The following SNTG1 variants were observed in gnomAD, a reference collection of about 807,000 sequenced individuals.
SNTG1 encodes the protein syntrophin gamma 1.
In SNTG1, 39 loss-of-function variants were observed where a neutral mutation model predicts 74.7. The observed-to-expected ratio is 0.52, with a 90% CI of 0.40 to 0.68. The LOEUF is 0.68. Ranked by LOEUF, SNTG1 falls within the 30% of genes least tolerant of loss-of-function variation. The pLI, the probability that SNTG1 is intolerant of heterozygous loss-of-function variation, is 0.00. For missense variants in SNTG1, 685 were observed against 609.5 expected, an observed-to-expected ratio of 1.12 and a Z score of -1.30; for synonymous variants, 254 against 217.1, an observed-to-expected ratio of 1.17 and a Z score of -1.49.
chr8:50,188,758 C>T (rs1211373883), intron 2 of SNTG1, among the ~76,000 whole-genome samples: 1 of 152,080 alleles, frequency 6.6e-6, no homozygotes, highest in African/African-American at 2.4e-5. Context: ...TCTATTAAGT[C>T]CCTGTAGCAG....
chr8:50,238,297 T>C (rs1035731287), intron 2 of SNTG1, among the ~76,000 whole-genome samples: 1 of 152,120 alleles, frequency 6.6e-6, no homozygotes, highest in Non-Finnish European at 1.5e-5. Context: ...AGTAGATACA[T>C]AGGCTAACGG....
chr8:50,460,890 A>G (rs2093555075), intron 8 of SNTG1, among the ~76,000 whole-genome samples: 1 of 152,118 alleles, frequency 6.6e-6, no homozygotes, highest in Non-Finnish European at 1.5e-5. Flanking sequence ...CCCCTCACAC[A>G]TATTTCCCTA....
At chr8:50,295,012 A>T (rs1231136732) in intron 2 of SNTG1, among the ~76,000 whole-genome samples, 2 of 152,180 alleles carry the variant, frequency 1.3e-5, no homozygotes, top group African/African-American at 4.8e-5. Flanking sequence ...CAGATCAGTT[A>T]GGTAAGTAGA....
chr8:50,637,036 G>T (rs1585916916), intron 13 of SNTG1, among the ~76,000 whole-genome samples: 1 of 152,204 alleles, frequency 6.6e-6, no homozygotes, highest in South Asian at 2.1e-4. Flanking sequence ...TAAATTAAAA[G>T]AATAAAATAG....
intron 13 of SNTG1, among the ~76,000 whole-genome samples, chr8:50,633,569 C>T (rs972075800): frequency 6.6e-6 from 1 of 152,116 alleles, no homozygotes; most frequent in African/African-American, 2.4e-5. Flanking sequence ...AACTTCTGGG[C>T]CCTCATCCCT....
chr8:50,745,503 C>T (rs1406724272), intron 17 of SNTG1, among the ~76,000 whole-genome samples: 1 of 151,900 alleles, frequency 6.6e-6, no homozygotes, highest in African/African-American at 2.4e-5. Flanking sequence ...TTTGGTGGTT[C>T]CACAAAAAGT....
Position 50,349,928 on chromosome 8 carries a change from C to T in SNTG1, c.-27-44284C>T, listed in dbSNP as rs10106797. The stretch of plus-strand genomic sequence containing the variant: ...GCAGGGAGGTGTGGAGTGAGAGGCG[C>T]GAGCCGGAACCAGGGCTGCACCGCG... On this transcript the variant is annotated intron_variant, in intron 2 of 18. Transcript: ENST00000642720. Among the ~76,000 whole-genome samples, 946 of 152,154 alleles carry T rather than the reference C, an allele frequency of 6.2e-3. 7 individuals are homozygous for T. Among genetic ancestry groups the T allele is most frequent in the African/African-American group, 0.021 (886 of 41,520 alleles).
rs533088251 is a variant in SNTG1 at position 50,483,408 on chromosome 8, G to A, written c.364-19370G>A. ...GGGATATACACATCCGTTTTTAAGT[G>A]TTTAAAATTACTGGACTCTCAAAGA... is the stretch of plus-strand genomic sequence containing the variant. On this transcript the variant is annotated intron_variant, in intron 8 of 18. Coordinates refer to ENST00000642720, the MANE Select transcript of SNTG1 (RefSeq NM_018967.5). Among the ~76,000 whole-genome samples, 6 of 150,134 alleles carry A rather than the reference G, an allele frequency of 4.0e-5. No individual in the cohort carries two copies. In the South Asian group the frequency reaches 1.1e-3, roughly 27 times the overall value.
intron 2 of SNTG1, among the ~76,000 whole-genome samples, chr8:50,330,538 A>G (rs889537124): frequency 1.3e-5 from 2 of 152,166 alleles, no homozygotes; most frequent in African/African-American, 4.8e-5. Context: ...CCTGTTACCC[A>G]GTTCCAAAGT....
chr8:50,002,927 G>A (rs1010428654), intron 1 of SNTG1, among the ~76,000 whole-genome samples: 1 of 152,118 alleles, frequency 6.6e-6, no homozygotes, highest in African/African-American at 2.4e-5. Context: ...AGAAGGGAAA[G>A]GTACTGATAC....
At chr8:50,540,079 C>T (rs969952632) in intron 11 of SNTG1, among the ~76,000 whole-genome samples, 4 of 152,140 alleles carry the variant, frequency 2.6e-5, no homozygotes, top group Non-Finnish European at 5.9e-5. Context: ...CTTAGCTGTT[C>T]ACCTCACAGG....
At chr8:50,499,227 A>G (rs1585472709) in intron 8 of SNTG1, among the ~76,000 whole-genome samples, 1 of 152,014 alleles carries the variant, frequency 6.6e-6, no homozygotes, top group East Asian at 1.9e-4. Context: ...TTTAAAAATT[A>G]CTCATAGCAA....
At chr8:50,558,252 G>T (rs1400031351) in intron 12 of SNTG1, among the ~76,000 whole-genome samples, 1 of 152,180 alleles carries the variant, frequency 6.6e-6, no homozygotes, top group East Asian at 1.9e-4. Context: ...GCAGCTGCAT[G>T]GCCAGGGGGG....
chr8:50,186,035 C>T (rs2083370562), intron 2 of SNTG1, among the ~76,000 whole-genome samples: 1 of 152,002 alleles, frequency 6.6e-6, no homozygotes, highest in South Asian at 2.1e-4. Flanking sequence ...GTGTGTTGTT[C>T]CTCTCCCTGT....
intron 2 of SNTG1, among the ~76,000 whole-genome samples, chr8:50,383,744 C>A (rs1195544530): frequency 6.6e-6 from 1 of 152,200 alleles, no homozygotes. Flanking sequence ...GCATGAATCA[C>A]AAGCATGGTA....
intron 1 of SNTG1, among the ~76,000 whole-genome samples, chr8:50,131,200 G>T (rs1199466041): frequency 6.6e-6 from 1 of 152,060 alleles, no homozygotes; most frequent in Non-Finnish European, 1.5e-5. Context: ...CTTTCAGTGT[G>T]AAGGCTAGCA....
At chr8:50,421,473 T>G (rs989052749) in intron 4 of SNTG1, among the ~76,000 whole-genome samples, 1 of 152,116 alleles carries the variant, frequency 6.6e-6, no homozygotes, top group Non-Finnish European at 1.5e-5. Flanking sequence ...CTCGTCACCA[T>G]TTTGTTTTTG....
chr8:50,636,224 C>A (rs978917412), intron 13 of SNTG1, among the ~76,000 whole-genome samples: 2 of 151,158 alleles, frequency 1.3e-5, no homozygotes, highest in African/African-American at 4.9e-5. Context: ...TTTTTCAGAG[C>A]TGTGAGCTGT....
intron 1 of SNTG1, among the ~76,000 whole-genome samples, chr8:50,013,174 C>T (rs1815976402): frequency 6.6e-6 from 1 of 152,126 alleles, no homozygotes; most frequent in African/African-American, 2.4e-5. Flanking sequence ...AATCTTTATA[C>T]TGTAGTCTTG....
Sources: gnomAD v4.1 joint callset for allele counts (sites outside exome capture counted in the v4.1 genomes callset) on GRCh38, gnomAD v4.1.1 for gene constraint, MANE v1.5 for transcripts, NCBI Gene and HGNC (gene_info 2026-07-23, HGNC 2026-07-21) for gene names.